The following PCDHA7 variants were observed in gnomAD, a reference collection of about 807,000 sequenced individuals.
PCDHA7 encodes protocadherin alpha 7.
A neutral mutation model predicts 57.2 loss-of-function variants in PCDHA7; 37 were observed. That is an observed-to-expected ratio of 0.65 (90% CI 0.50 to 0.85). The LOEUF is 0.85. Among genes scored for constraint, PCDHA7 ranks in the 40% least tolerant of loss-of-function variants. PCDHA7 has a pLI of 0.00. For missense variants in PCDHA7, 1,188 were observed against 1,241.8 expected (o/e 0.96, Z 0.65); for synonymous variants, 553 against 558.8 (o/e 0.99, Z 0.15).
chr5:140,852,584 T>G, intron 1 of PCDHA7: 1 of 824,250 alleles, frequency 1.2e-6, no homozygotes, highest in Non-Finnish European at 1.5e-6. Flanking sequence ...GCTTTTTTAT[T>G]TTTTTTTTTT....
intron 1 of PCDHA7, among the ~76,000 whole-genome samples, chr5:140,935,745 T>C (rs564797649): frequency 6.6e-6 from 1 of 152,324 alleles, no homozygotes; most frequent in South Asian, 2.1e-4. Flanking sequence ...TATTATTCCA[T>C]ACAATACACA....
chr5:140,907,491 C>A (rs1554193021), intron 1 of PCDHA7, among the ~76,000 whole-genome samples: 1 of 152,186 alleles, frequency 6.6e-6, no homozygotes, highest in Non-Finnish European at 1.5e-5. Flanking sequence ...AAACCCATAT[C>A]CAGAGTAAGT....
At chr5:140,926,949 G>A in intron 1 of PCDHA7, 3 of 1,592,316 alleles carry the variant, frequency 1.9e-6, no homozygotes, top group Non-Finnish European at 2.6e-6. Context: ...GCGCTGCAGC[G>A]GGACAGCTCG....
chr5:140,851,631 T>C, intron 1 of PCDHA7: 1 of 919,266 alleles, frequency 1.1e-6, no homozygotes. Flanking sequence ...TTTAAACAAG[T>C]GTTTCCTTTC....
At chr5:140,942,221 G>A (rs1238547021) in intron 1 of PCDHA7, among the ~76,000 whole-genome samples, 1 of 152,046 alleles carries the variant, frequency 6.6e-6, no homozygotes, top group African/African-American at 2.4e-5. Context: ...TATTTAAAAT[G>A]TGTAGGCAAA....
At chr5:140,939,317 A>T (rs2092365663) in intron 1 of PCDHA7, among the ~76,000 whole-genome samples, 1 of 152,148 alleles carries the variant, frequency 6.6e-6, no homozygotes, top group Admixed American at 6.5e-5. Flanking sequence ...CTACCTCCTA[A>T]TATCATAATC....
chr5:140,908,626 T>A (rs1162805222), intron 1 of PCDHA7, among the ~76,000 whole-genome samples: 3 of 152,020 alleles, frequency 2.0e-5, no homozygotes, highest in African/African-American at 4.8e-5. Context: ...ATCCTTGAGG[T>A]CTCCACTGTG....
chr5:140,938,443 A>C (rs1324427427), intron 1 of PCDHA7, among the ~76,000 whole-genome samples: 1 of 152,180 alleles, frequency 6.6e-6, no homozygotes, highest in African/African-American at 2.4e-5. Context: ...AGATTTATTA[A>C]GTTCCCTTTG....
intron 1 of PCDHA7, chr5:140,966,280 G>A (rs782249047): frequency 2.0e-4 from 74 of 365,660 alleles, no homozygotes; most frequent in Middle Eastern, 6.9e-4. Context: ...CTGGACAGTG[G>A]GGGTAGGGAG....
At chr5:140,857,263 A>C (rs367883816) in intron 1 of PCDHA7, 1 of 1,598,420 alleles carries the variant, frequency 6.3e-7, no homozygotes, top group East Asian at 2.2e-5. Context: ...ATTACTACTC[A>C]TTGGTGCTGG....
chr5:140,858,117 C>A (rs1191323415), intron 1 of PCDHA7: 1 of 1,597,608 alleles, frequency 6.3e-7, no homozygotes, highest in African/African-American at 1.3e-5. Context: ...CCCGAGGTGG[C>A]CCTGGTGGAT....
intron 1 of PCDHA7, among the ~76,000 whole-genome samples, chr5:140,887,519 T>C (rs1460911624): frequency 1.3e-5 from 2 of 152,190 alleles, no homozygotes; most frequent in East Asian, 3.8e-4. Flanking sequence ...CTTTTTTATA[T>C]ATGAGTCTTC....
chr5:140,969,399 AT>A, intron 1 of PCDHA7: 1 of 1,580,514 alleles, frequency 6.3e-7, no homozygotes, highest in Non-Finnish European at 8.6e-7. Context: ...ATATCCTGTG[AT>A]TTGGCTTTAT....
intron 1 of PCDHA7, among the ~76,000 whole-genome samples, chr5:140,837,663 C>A (rs1159426304): frequency 6.6e-6 from 1 of 150,710 alleles, no homozygotes; most frequent in Non-Finnish European, 1.5e-5. Context: ...CTTTTTCTTT[C>A]ATTCTTTTTC....
intron 1 of PCDHA7, among the ~76,000 whole-genome samples, chr5:140,872,884 T>C (rs1057197501): frequency 2.6e-5 from 4 of 152,238 alleles, no homozygotes; most frequent in Non-Finnish European, 4.4e-5. Flanking sequence ...GTTTCATTCA[T>C]CTCACTTTGT....
At chr5:140,929,231 T>G in intron 1 of PCDHA7, 2 of 1,613,886 alleles carry the variant, frequency 1.2e-6, no homozygotes, top group Non-Finnish European at 1.7e-6. Context: ...GCTGCCGACC[T>G]GCGAAATCTT....
chr5:140,870,910 A>G (rs2052532769), intron 1 of PCDHA7: 1 of 1,613,930 alleles, frequency 6.2e-7, no homozygotes, highest in South Asian at 1.1e-5. Context: ...CTCAGGCTAC[A>G]ACGCGTGGCT....
At chr5:140,875,568 C>G in intron 1 of PCDHA7, 2 of 1,614,114 alleles carry the variant, frequency 1.2e-6, no homozygotes, top group Non-Finnish European at 1.7e-6. Context: ...GCCAGCTCCA[C>G]TACTCCGTCT....
chr5:140,840,409 T>C (rs1242037387), intron 1 of PCDHA7, among the ~76,000 whole-genome samples: 1 of 151,904 alleles, frequency 6.6e-6, no homozygotes, highest in East Asian at 1.9e-4. Context: ...TAAGAATACT[T>C]CAAATAATAG....
Sources: gnomAD v4.1 joint callset for allele counts (sites outside exome capture counted in the v4.1 genomes callset) on GRCh38, gnomAD v4.1.1 for gene constraint, MANE v1.5 for transcripts, NCBI Gene and HGNC (gene_info 2026-07-23, HGNC 2026-07-21) for gene names.